FMO2: variants seen among roughly 807,000 people sequenced by gnomAD.
FMO2 encodes the protein flavin containing dimethylaniline monoxygenase 2, also known as flavin-containing monooxygenase 2.
FMO2 carries 33 observed loss-of-function variants against 41.6 expected under a neutral mutation model. That is an observed-to-expected ratio of 0.79 (90% CI 0.60 to 1.06). FMO2 has a LOEUF of 1.06. FMO2 is among the 50% of genes least tolerant of loss of function. FMO2 has a pLI of 0.00. For missense variants in FMO2, 619 were observed against 632.9 expected (o/e 0.98, Z 0.23); for synonymous variants, 214 against 219.6 (o/e 0.97, Z 0.23).
At position 171,210,534 on chromosome 1, in the gene FMO2, C is replaced by T. The variant is rs1658937827; in HGVS notation, c.*1389C>T. On this transcript the variant is annotated 3_prime_UTR_variant, in exon 9 of 9. Transcript: ENST00000209929. ...ATTAAGCAACATAATAGACAAACAT[C>T]TCCTAAGGGAACATTTGTTACAGCT... 6.6e-6 allele frequency: 1 copy of T among 152,212 alleles called. No homozygotes were observed. The highest frequency in any genetic ancestry group is 6.5e-5 in the Admixed American group (1 of 15,278). 9.4% of individuals were successfully genotyped at this position (152,212 alleles called of 1,614,324 possible).
In FMO2 at chr1:171,185,467, A is replaced by G. The variant is rs181710264; in HGVS notation, c.-7+108A>G. On this transcript the variant is annotated intron_variant, in intron 1 of 8. Coordinates refer to ENST00000209929, the MANE Select transcript of FMO2 (RefSeq NM_001460.5). ...TTACTGCATAGTCTGGCTTTGTTCA[A>G]TGGGTCGCTTTTAAATATTAAAGCT... 4.0e-5 allele frequency: 15 copies of G among 370,958 alleles called. No individual in the cohort carries two copies. In the East Asian group the frequency reaches 5.9e-4, roughly 15 times the overall value. The allele number at this position is 370,958 out of a possible 1,614,324, so 23.0% of individuals were successfully genotyped here. A position where few individuals can be genotyped will look rare whatever the true frequency, so the allele number is the denominator to read the frequency against.
At chr1:171,201,212 GGT>G (rs1658521769) in intron 5 of FMO2, among the ~76,000 whole-genome samples, 1 of 152,036 alleles carries the variant, frequency 6.6e-6, no homozygotes, top group African/African-American at 2.4e-5. Context: ...CTTTTTAGGA[GGT>G]ACTTCACTTT....
chr1:171,206,047 C>T (rs1658746349), intron 7 of FMO2, among the ~76,000 whole-genome samples: 1 of 152,152 alleles, frequency 6.6e-6, no homozygotes, highest in African/African-American at 2.4e-5. Flanking sequence ...CAAATCCCTA[C>T]AAGTTATAAA....
At chr1:171,206,511 G>T (rs2282726) in intron 7 of FMO2, among the ~76,000 whole-genome samples, 23,764 of 152,160 alleles carry the variant, frequency 0.16, 2,026 homozygotes, top group Admixed American at 0.24. Context: ...CAGGAATTTT[G>T]TAAGACATGC....
intron 3 of FMO2, among the ~76,000 whole-genome samples, chr1:171,193,989 A>G (rs191580997): frequency 6.6e-6 from 1 of 152,238 alleles, no homozygotes; most frequent in East Asian, 1.9e-4. Flanking sequence ...CATTTGGGCC[A>G]GGCTGGTCTC....
intron 3 of FMO2, among the ~76,000 whole-genome samples, chr1:171,196,440 C>A (rs1362918147): frequency 1.3e-5 from 2 of 152,170 alleles, no homozygotes; most frequent in African/African-American, 4.8e-5. Context: ...GGTTTCTTAA[C>A]ATTAGTGACT....
chr1:171,205,642 T>C lies in FMO2; in HGVS notation c.1183+8T>C. On this transcript the variant is annotated splice_region_variant and intron_variant, in intron 7 of 8. Coordinates refer to ENST00000209929, the MANE Select transcript of FMO2 (RefSeq NM_001460.5). ...TGACAAGAGTTTTCAAAGGTAAGTG[T>C]GTAGGCAGGTGAGTGGCTAAGCGTT... The C allele has an allele frequency of 6.4e-7, 1 of 1,556,060 alleles. No individual in the cohort carries two copies. The highest frequency in any genetic ancestry group is 1.4e-5 in the African/African-American group (1 of 73,050).
At chr1:171,201,603 C>A (rs1169083454) in intron 5 of FMO2, among the ~76,000 whole-genome samples, 3 of 152,150 alleles carry the variant, frequency 2.0e-5, no homozygotes, top group Admixed American at 2.0e-4. Flanking sequence ...GATACAGCAC[C>A]CTCTACCACA....
intron 4 of FMO2, among the ~76,000 whole-genome samples, chr1:171,197,251 A>C (rs970917259): frequency 2.0e-5 from 3 of 152,188 alleles, no homozygotes; most frequent in African/African-American, 7.2e-5. Flanking sequence ...CCCTGCATCC[A>C]GCTGTTCTGG....
In FMO2 at chr1:171,199,467, G is replaced by A. The variant is rs1277568169; in HGVS notation, c.606G>A (p.Glu202=). 8.1e-6 allele frequency: 13 copies of A among 1,611,932 alleles called. No homozygotes were observed. The Admixed American group carries it at 2.2e-4, about 27-fold the overall frequency. Residue 202 remains glutamate (E), a synonymous_variant, in exon 5 of 9, where the codon GAG becomes GAA. Coordinates refer to ENST00000209929, the MANE Select transcript of FMO2 (RefSeq NM_001460.5). ...ACTCAGGCTCAGATATTGCTGTTGA[G>A]CTGAGTAAGAATGCTGCTCAGGTGT... ...MGNSGSDIAV[E]LSKNAAQVFI...
At position 171,193,432 on chromosome 1, in the gene FMO2, A is replaced by G; in HGVS notation, c.230A>G (p.Asp77Gly). ...TTCAGTGACTTTCCAATGCCTGAAG[A>G]TTTTCCAAACTTCCTGCATAATTCT... The part of the protein sequence containing the change: ...SCFSDFPMPE[D>G]FPNFLHNSKL... The change falls in exon 3 of 9, where the codon GAT becomes GGT. Residue 77 changes from aspartate to glycine, a missense_variant. Coordinates refer to ENST00000209929, the MANE Select transcript of FMO2 (RefSeq NM_001460.5). 6.2e-7 allele frequency: 1 copy of G among 1,612,310 alleles called. No individual in the cohort carries two copies. The highest frequency in any genetic ancestry group is 8.5e-7 in the Non-Finnish European group (1 of 1,178,472).
chr1:171,202,393 G>A (rs1658572676), intron 5 of FMO2, among the ~76,000 whole-genome samples: 1 of 152,096 alleles, frequency 6.6e-6, no homozygotes, highest in African/African-American at 2.4e-5. Context: ...AGGAATGCTT[G>A]GTATAGGTGC....
At chr1:171,196,259 G>A (rs1658307849) in intron 3 of FMO2, among the ~76,000 whole-genome samples, 1 of 152,198 alleles carries the variant, frequency 6.6e-6, no homozygotes, top group Non-Finnish European at 1.5e-5. Flanking sequence ...GCAATAACAA[G>A]GGTGATGCCA....
At position 171,209,002 on chromosome 1, in the gene FMO2, T is replaced by G. The variant is rs375828488; in HGVS notation, c.1465T>G (p.Phe489Val). 1.3e-6 allele frequency: 2 copies of G among 1,566,818 alleles called. No homozygotes were observed. Among genetic ancestry groups the G allele is most frequent in the African/African-American group, 2.7e-5 (2 of 73,362 alleles). ...GQWEGARNAI[F>V]TQKQRILKPL... ...ATGGGAAGGAGCCAGAAATGCCATC[T>G]TCACCCAGAAACAAAGAATACTGAA... Residue 489 changes from phenylalanine to valine, a missense_variant, in exon 9 of 9, where the codon TTC becomes GTC. Transcript: ENST00000209929.
chr1:171,193,740 G>A (rs12730305), intron 3 of FMO2, among the ~76,000 whole-genome samples: 77,952 of 151,244 alleles, frequency 0.52, 21,280 homozygotes, highest in African/African-American at 0.68. Flanking sequence ...ATCTGTTAAA[G>A]TTAAAGGTTT....
In FMO2 at chr1:171,203,850, C is replaced by A; in HGVS notation, c.628-15C>A. On this transcript the variant is annotated splice_polypyrimidine_tract_variant and intron_variant, in intron 5 of 8. Transcript: ENST00000209929. The stretch of plus-strand genomic sequence containing the variant: ...CAATGCCCTAATTTAAACTGCATTT[C>A]TTTTTGCTTGCCAGGTTTTTATCAG... 6.2e-7 allele frequency: 1 copy of A among 1,612,420 alleles called. No individual in the cohort carries two copies. Among genetic ancestry groups the A allele is most frequent in the Non-Finnish European group, 8.5e-7 (1 of 1,178,932 alleles).
In FMO2 at chr1:171,210,721, C is replaced by G. The variant is rs1342215763; in HGVS notation, c.*1576C>G. On this transcript the variant is annotated 3_prime_UTR_variant, in exon 9 of 9. Coordinates refer to ENST00000209929, the MANE Select transcript of FMO2 (RefSeq NM_001460.5). Reference sequence around the variant, plus strand: ...ACATTGCTCTTCATTTTGGCCTGTACTTCTCCCTCAGGGACGTAGAACAAT... The same window carrying G: ...ACATTGCTCTTCATTTTGGCCTGTAGTTCTCCCTCAGGGACGTAGAACAAT... 1 of 152,144 alleles carries G rather than the reference C, an allele frequency of 6.6e-6. No homozygotes were observed. Among genetic ancestry groups the G allele is most frequent in the Admixed American group, 6.6e-5 (1 of 15,258 alleles). The allele number at this position is 152,144 out of a possible 1,614,324, so 9.4% of individuals were successfully genotyped here.
chr1:171,198,964 T>A (rs1658413715), intron 4 of FMO2, among the ~76,000 whole-genome samples: 1 of 152,142 alleles, frequency 6.6e-6, no homozygotes, highest in Non-Finnish European at 1.5e-5. Context: ...GTGCAGTGAC[T>A]CAATCAGGGG....
chr1:171,192,972 T>C (rs1219696467), intron 2 of FMO2, among the ~76,000 whole-genome samples: 1 of 152,158 alleles, frequency 6.6e-6, no homozygotes, highest in Non-Finnish European at 1.5e-5. Context: ...GTAGTGGGTA[T>C]ATACAGCCTC....
Sources: gnomAD v4.1 joint callset for allele counts (sites outside exome capture counted in the v4.1 genomes callset) on GRCh38, gnomAD v4.1.1 for gene constraint, MANE v1.5 for transcripts, NCBI Gene and HGNC (gene_info 2026-07-23, HGNC 2026-07-21) for gene names.